The following EDIL3 variants were observed in gnomAD, a reference collection of about 807,000 sequenced individuals.
The protein encoded by EDIL3 is EGF-like repeat and discoidin I-like domain-containing protein 3.
A neutral mutation model predicts 67.4 loss-of-function variants in EDIL3; 37 were observed. That is an observed-to-expected ratio of 0.55 (90% CI 0.42 to 0.72). The LOEUF is 0.72. EDIL3 is among the 30% of genes least tolerant of loss of function. The pLI is 0.00. For missense variants in EDIL3, 527 were observed against 586.3 expected, an observed-to-expected ratio of 0.90 and a Z score of 1.04; for synonymous variants, 195 against 196.3, an observed-to-expected ratio of 0.99 and a Z score of 0.05.
At chr5:84,015,946 A>G (rs1745597027) in intron 9 of EDIL3, among the ~76,000 whole-genome samples, 1 of 152,130 alleles carries the variant, frequency 6.6e-6, no homozygotes, top group Non-Finnish European at 1.5e-5. Context: ...ACACAGGTCA[A>G]CTTACTGGCA....
chr5:84,068,103 G>A (rs1746675138), intron 6 of EDIL3, among the ~76,000 whole-genome samples: 1 of 152,138 alleles, frequency 6.6e-6, no homozygotes, highest in South Asian at 2.1e-4. Flanking sequence ...GTCCTTTAAA[G>A]ATTGATTTTG....
chr5:84,064,646 T>C, intron 8 of EDIL3, 54 bp downstream of exon 8: 1 of 1,554,718 alleles, frequency 6.4e-7, no homozygotes, highest in African/African-American at 1.4e-5. Flanking sequence ...TACATACAAA[T>C]ATGCTTTTTG....
At chr5:84,037,931 A>C (rs1746048921) in intron 9 of EDIL3, among the ~76,000 whole-genome samples, 1 of 151,540 alleles carries the variant, frequency 6.6e-6, no homozygotes, top group Non-Finnish European at 1.5e-5. Context: ...TAATGTGAGC[A>C]GTGAGCTTAG....
intron 1 of EDIL3, among the ~76,000 whole-genome samples, chr5:84,259,841 A>C (rs1289931103): frequency 2.6e-5 from 4 of 152,134 alleles, no homozygotes; most frequent in African/African-American, 9.7e-5. Flanking sequence ...ATAAAATACT[A>C]CTTGGTATTG....
intron 1 of EDIL3, among the ~76,000 whole-genome samples, chr5:84,299,688 T>C (rs1015560678): frequency 3.3e-5 from 5 of 152,352 alleles, no homozygotes; most frequent in African/African-American, 4.8e-5. Flanking sequence ...GTACAAAGTT[T>C]CATTTTTCTT....
intron 1 of EDIL3, among the ~76,000 whole-genome samples, chr5:84,270,148 T>A (rs1244149244): frequency 1.3e-5 from 2 of 152,250 alleles, no homozygotes; most frequent in African/African-American, 4.8e-5. Context: ...TCTACAATTA[T>A]ATGCACTGAT....
At chr5:84,215,432 T>G (rs1454080385) in intron 3 of EDIL3, among the ~76,000 whole-genome samples, 1 of 151,960 alleles carries the variant, frequency 6.6e-6, no homozygotes, top group Non-Finnish European at 1.5e-5. Context: ...TTTTTGTATT[T>G]TAGTAGAGAT....
chr5:84,369,968 C>A (rs1236915721), intron 1 of EDIL3, among the ~76,000 whole-genome samples: 1 of 152,062 alleles, frequency 6.6e-6, no homozygotes, highest in African/African-American at 2.4e-5. Context: ...AAAACAAAGA[C>A]TAGAAATTAA....
rs1743593865 is a variant in EDIL3, at chr5:84,191,904, CA to C, written c.227-11384del. On this transcript the variant is annotated intron_variant, in intron 3 of 10. Transcript: ENST00000296591. ...TTATGTGTATATCAATTTACATAGA[CA>C]AACTAAATAAGAATTTTAAAACTAA... 2.0e-5 allele frequency among the ~76,000 whole-genome samples: 3 copies of C among 151,918 alleles called. No homozygotes were observed. In the South Asian group the frequency reaches 6.2e-4, roughly 32 times the overall value.
intron 5 of EDIL3, among the ~76,000 whole-genome samples, chr5:84,117,845 C>A (rs1375317518): frequency 6.6e-6 from 1 of 151,892 alleles, no homozygotes; most frequent in Non-Finnish European, 1.5e-5. Context: ...TAGGTAGGGA[C>A]TATAAAGTCA....
At chr5:84,002,566 T>C (rs894377720) in intron 9 of EDIL3, among the ~76,000 whole-genome samples, 24 of 152,148 alleles carry the variant, frequency 1.6e-4, no homozygotes, top group African/African-American at 5.6e-4. Context: ...TATTAGAACT[T>C]ATAAACAAAT....
rs1744264906 is a variant in EDIL3, at chr5:83,943,706, G to A, written c.1294-138C>T. 6 of 916,530 alleles carry A rather than the reference G, an allele frequency of 6.5e-6. No individual in the cohort carries two copies. The South Asian group carries it at 1.3e-4, about 20-fold the overall frequency. The allele number at this position is 916,530 out of a possible 1,614,324, so 56.8% of individuals were successfully genotyped here. A position where few individuals can be genotyped will look rare whatever the true frequency, so the allele number is the denominator to read the frequency against. ...TTTCTTTTCTTCAAAATATATTGCA[G>A]CTTCTTTTTAATAATAATTATTTTA... On this transcript the variant is annotated intron_variant, in intron 10 of 10. Transcript: ENST00000296591.
chr5:84,338,673 C>T (rs569392122), intron 1 of EDIL3, among the ~76,000 whole-genome samples: 1 of 152,278 alleles, frequency 6.6e-6, no homozygotes, highest in African/African-American at 2.4e-5. Context: ...TAGAAACTCT[C>T]ACTTTCATAC....
At position 84,006,953 on chromosome 5, in the gene EDIL3, G is replaced by T. The variant is rs143331728; in HGVS notation, c.1138-43593C>A. Among the ~76,000 whole-genome samples, 293 of 152,068 alleles carry T rather than the reference G, an allele frequency of 1.9e-3. 2 individuals are homozygous for T. The highest frequency in any genetic ancestry group is 6.4e-3 in the African/African-American group (264 of 41,510). ...CAAAAAACAGACATATAGACCAATA[G>T]AATAGAATAGAGAACTAAGAAATAA... On this transcript the variant is annotated intron_variant, in intron 9 of 10. Coordinates refer to ENST00000296591, the MANE Select transcript of EDIL3 (RefSeq NM_005711.5).
chr5:84,337,822 G>T (rs1747021205), intron 1 of EDIL3, among the ~76,000 whole-genome samples: 1 of 152,046 alleles, frequency 6.6e-6, no homozygotes, highest in Admixed American at 6.6e-5. Flanking sequence ...TCAATTTCAT[G>T]TTGAATAAGA....
chr5:84,259,251 A>G (rs1745180548), intron 1 of EDIL3, among the ~76,000 whole-genome samples: 1 of 151,950 alleles, frequency 6.6e-6, no homozygotes, highest in African/African-American at 2.4e-5. Flanking sequence ...GAGCCACCAC[A>G]CCTGGTCTGG....
intron 1 of EDIL3, among the ~76,000 whole-genome samples, chr5:84,277,033 C>T (rs1434720360): frequency 6.6e-6 from 1 of 152,074 alleles, no homozygotes; most frequent in Non-Finnish European, 1.5e-5. Flanking sequence ...GTAATCTTAG[C>T]CCCTTAACAC....
chr5:84,097,388 T>C (rs967644098), intron 6 of EDIL3, among the ~76,000 whole-genome samples: 2 of 152,162 alleles, frequency 1.3e-5, no homozygotes, highest in Non-Finnish European at 2.9e-5. Context: ...CGGTAATACA[T>C]AGTATAATGG....
rs944373084 is a variant in EDIL3 at position 84,140,649 on chromosome 5, G to C, written c.356-3295C>G. 7.2e-5 allele frequency among the ~76,000 whole-genome samples: 11 copies of C among 152,070 alleles called. No homozygotes were observed. In the South Asian group the frequency reaches 2.3e-3, roughly 32 times the overall value. On this transcript the variant is annotated intron_variant, in intron 4 of 10. Coordinates refer to ENST00000296591, the MANE Select transcript of EDIL3 (RefSeq NM_005711.5). ...GCATTTGCTGAAATGGAAATGCTTT[G>C]TAGACACACTCAATTTGTGATAGAA...
Sources: allele counts gnomAD v4.1 joint callset (sites outside exome capture counted in the v4.1 genomes callset), GRCh38; gene constraint gnomAD v4.1.1; transcripts MANE v1.5; gene names NCBI Gene and HGNC (gene_info 2026-07-23, HGNC 2026-07-21).